Variants in CCDC146 observed in about 807,000 individuals in gnomAD.
The protein encoded by CCDC146 is coiled-coil domain containing 146, also known as coiled-coil domain-containing protein 146.
Under a neutral mutation model 119.3 loss-of-function variants are expected in CCDC146, and 92 were observed. The ratio of observed to expected loss-of-function variants is 0.77; its 90% confidence interval spans 0.65 to 0.92. The LOEUF is 0.92. Among genes scored for constraint, CCDC146 ranks in the 40% least tolerant of loss-of-function variants. The pLI, the probability that CCDC146 is intolerant of heterozygous loss-of-function variation, is 0.00. For missense variants in CCDC146, 1,000 were observed against 1,103.0 expected (o/e 0.91, Z 1.32); for synonymous variants, 372 against 371.8 (o/e 1.00, Z -0.01).
At chr7:77,182,246 C>G (rs1387388707) in intron 2 of CCDC146, among the ~76,000 whole-genome samples, 1 of 152,088 alleles carries the variant, frequency 6.6e-6, no homozygotes, top group Non-Finnish European at 1.5e-5. Context: ...AGAAAAAACC[C>G]TGATCATTGG....
At chr7:77,272,282 G>T (rs1793539537) in intron 9 of CCDC146, among the ~76,000 whole-genome samples, 1 of 152,184 alleles carries the variant, frequency 6.6e-6, no homozygotes, top group African/African-American at 2.4e-5. Context: ...TAAGTCCAGT[G>T]TGTGCATCTC....
chr7:77,175,223 C>A (rs1475093618), intron 2 of CCDC146, among the ~76,000 whole-genome samples: 2 of 150,830 alleles, frequency 1.3e-5, no homozygotes, highest in Non-Finnish European at 2.9e-5. Flanking sequence ...AATTATTTCG[C>A]CTAAGCGAAA....
chr7:77,280,754 A>G, intron 14 of CCDC146, 101 bp downstream of exon 14: 1 of 806,882 alleles, frequency 1.2e-6, no homozygotes, highest in South Asian at 1.8e-5. Flanking sequence ...GAAATGTGAT[A>G]TTCAGGTTGC....
chr7:77,192,539 T>C (rs918322475), intron 2 of CCDC146, among the ~76,000 whole-genome samples: 3 of 152,206 alleles, frequency 2.0e-5, no homozygotes, highest in African/African-American at 4.8e-5. Flanking sequence ...TTTGTTTGTG[T>C]ACAACAAGGC....
intron 1 of CCDC146, among the ~76,000 whole-genome samples, chr7:77,142,370 G>A (rs1337984744): frequency 6.6e-6 from 1 of 151,414 alleles, no homozygotes; most frequent in East Asian, 1.9e-4. Flanking sequence ...TAGGGTACAT[G>A]TGCACAACGT....
intron 1 of CCDC146, among the ~76,000 whole-genome samples, chr7:77,130,661 C>T (rs1410322194): frequency 6.9e-6 from 1 of 145,798 alleles, no homozygotes; most frequent in African/African-American, 2.6e-5. Context: ...TGCAGTGGCG[C>T]GATCTCGACT....
intron 15 of CCDC146, among the ~76,000 whole-genome samples, chr7:77,284,346 CT>C (rs1408788374): frequency 6.6e-6 from 1 of 152,082 alleles, no homozygotes; most frequent in Non-Finnish European, 1.5e-5. Flanking sequence ...ACTGGCTTCT[CT>C]TTCACCTCCC....
chr7:77,237,985 C>T (rs758726414), intron 3 of CCDC146, among the ~76,000 whole-genome samples: 6 of 152,202 alleles, frequency 3.9e-5, no homozygotes, highest in Non-Finnish European at 7.3e-5. Flanking sequence ...CCTCTCCCCG[C>T]AATTCCCAAT....
In CCDC146 at chr7:77,260,030, T is replaced by G; in HGVS notation, c.780T>G (p.Ile260Met). ...ACAGAGAAATGGAAAAGAAAAAAAT[T>G]GTCTTGGAACAAGAAGTCAAAACGC... ...RKKVEMEKKK[I>M]VLEQEVKTLN... The change falls in exon 8 of 19, where the codon ATT (isoleucine) becomes ATG (methionine). Residue 260 changes from isoleucine (I) to methionine (M), a missense_variant. By Grantham distance (10) the Ile-to-Met change is conservative. Coordinates refer to ENST00000285871, the MANE Select transcript of CCDC146 (RefSeq NM_020879.3). 1 of 1,603,702 alleles carries G rather than the reference T, an allele frequency of 6.2e-7. No homozygotes were observed. The highest frequency in any genetic ancestry group is 8.5e-7 in the Non-Finnish European group (1 of 1,174,370).
At position 77,142,971 on chromosome 7, in the gene CCDC146, A is replaced by G. The variant is rs180772537; in HGVS notation, c.-12+20239A>G. 1.2e-3 allele frequency among the ~76,000 whole-genome samples: 188 copies of G among 151,954 alleles called. 7 individuals carry two copies. The highest frequency in any genetic ancestry group is 4.3e-3 in the African/African-American group (176 of 41,240). On this transcript the variant is annotated intron_variant, in intron 1 of 18. Coordinates refer to ENST00000285871, the MANE Select transcript of CCDC146 (RefSeq NM_020879.3). The stretch of plus-strand genomic sequence containing the variant: ...GGTCAAATGGTATTTCTAGTTCTAG[A>G]TCCTTGAAGAATCACCACACTGTTT...
chr7:77,202,842 G>A (rs1245975678), intron 2 of CCDC146, among the ~76,000 whole-genome samples: 1 of 152,164 alleles, frequency 6.6e-6, no homozygotes, highest in Non-Finnish European at 1.5e-5. Flanking sequence ...GAGTTTTTAA[G>A]AGACAGCTGG....
rs1297428940 is a variant in CCDC146 at position 77,124,799 on chromosome 7, C to T, written c.-12+2067C>T. Among the ~76,000 whole-genome samples the T allele has an allele frequency of 7.2e-5, 11 of 152,272 alleles. No individual in the cohort carries two copies. The South Asian group carries it at 8.3e-4, about 11-fold the overall frequency. Reference sequence around the variant, plus strand: ...TAAGAATGAAAAGCTTTTTCTATGACTCAGAAATTGTGCTTTTGGGGATGT... The same window carrying T: ...TAAGAATGAAAAGCTTTTTCTATGATTCAGAAATTGTGCTTTTGGGGATGT... On this transcript the variant is annotated intron_variant, in intron 1 of 18. Coordinates refer to ENST00000285871, the MANE Select transcript of CCDC146 (RefSeq NM_020879.3).
chr7:77,257,078 C>T (rs1170505322), intron 6 of CCDC146: 1 of 153,248 alleles, frequency 6.5e-6, no homozygotes, highest in Non-Finnish European at 1.4e-5. Flanking sequence ...TGCACTCTAG[C>T]CTGGGTGACA....
intron 2 of CCDC146, among the ~76,000 whole-genome samples, chr7:77,205,041 C>T (rs1792058292): frequency 6.6e-6 from 1 of 152,184 alleles, no homozygotes; most frequent in South Asian, 2.1e-4. Context: ...TCGCTTGAGC[C>T]CAGGAATTTT....
chr7:77,166,669 C>A (rs1046566646), intron 1 of CCDC146, among the ~76,000 whole-genome samples: 34 of 151,996 alleles, frequency 2.2e-4, no homozygotes, highest in Admixed American at 2.2e-3. Context: ...TTGCTATTCA[C>A]GTATTACTAT....
chr7:77,199,668 T>C (rs571305378), intron 2 of CCDC146: 2 of 1,614,220 alleles, frequency 1.2e-6, no homozygotes, highest in African/African-American at 2.7e-5. Flanking sequence ...TGCTTTCTAG[T>C]CTCACTGGGC....
chr7:77,267,523 ATC>A (rs1282779169), intron 9 of CCDC146, among the ~76,000 whole-genome samples: 6 of 27,120 alleles, frequency 2.2e-4, no homozygotes, highest in African/African-American at 9.1e-4. Context: ...TGTAGACTTG[ATC>A]TTTTTTTTTT....
rs942533499 is a variant in CCDC146 at position 77,287,558 on chromosome 7, C to T, written c.2396C>T (p.Thr799Ile). 6.2e-7 allele frequency: 1 copy of T among 1,613,678 alleles called. No individual in the cohort carries two copies. Among genetic ancestry groups the T allele is most frequent in the Non-Finnish European group, 8.5e-7 (1 of 1,179,948 alleles). ...AAAACTCAGGGCTGCAAGCAGGACA[C>T]ACTGCTCTTAGCCAAGAAGGTAGGC... ...CSKTQGCKQD[T>I]LLLAKKMNGY... The change falls in exon 17 of 19, where the codon ACA becomes ATA. Residue 799 changes from threonine (T) to isoleucine (I), a missense_variant. By Grantham distance (89) the Thr-to-Ile change is moderately conservative. Coordinates refer to ENST00000285871, the MANE Select transcript of CCDC146 (RefSeq NM_020879.3).
At chr7:77,263,417 C>T (rs183340120) in intron 9 of CCDC146, among the ~76,000 whole-genome samples, 2 of 152,268 alleles carry the variant, frequency 1.3e-5, no homozygotes, top group Non-Finnish European at 2.9e-5. Context: ...TCAGAGTCCT[C>T]TTGATTGCCC....
Sources: gnomAD v4.1 joint callset for allele counts (sites outside exome capture counted in the v4.1 genomes callset) on GRCh38, gnomAD v4.1.1 for gene constraint, MANE v1.5 for transcripts, NCBI Gene and HGNC (gene_info 2026-07-23, HGNC 2026-07-21) for gene names.